The following NOXRED1 variants were observed in gnomAD, a reference collection of about 807,000 sequenced individuals.
NOXRED1 encodes NADP dependent oxidoreductase domain containing 1.
A neutral mutation model predicts 30.4 loss-of-function variants in NOXRED1; 20 were observed. That is an observed-to-expected ratio of 0.66 (90% confidence interval 0.46 to 0.96). The LOEUF is 0.96. Ranked by LOEUF, NOXRED1 falls within the 40% of genes least tolerant of loss-of-function variation. The pLI, the probability that NOXRED1 is intolerant of heterozygous loss-of-function variation, is 0.00. For synonymous variants in NOXRED1, 155 were observed against 168.0 expected, an observed-to-expected ratio of 0.92 and a Z score of 0.60; for missense variants, 374 against 428.0, an observed-to-expected ratio of 0.87 and a Z score of 1.11.
chr14:77,413,540 A>G lies in NOXRED1; in HGVS notation c.349+394T>C, dbSNP rs989360788. On this transcript the variant is annotated intron_variant, in intron 2 of 5. Transcript: ENST00000380835. ...GCGTGAGCCACCGCGCCCGACCACA[A>G]AACATTTTTTTAAAGTCAGTAAATG... Among the ~76,000 whole-genome samples, 13 of 152,152 alleles carry G rather than the reference A, an allele frequency of 8.5e-5. 1 individual carries two copies. Among genetic ancestry groups the G allele is most frequent in the Non-Finnish European group, 1.5e-5 (1 of 68,028 alleles).
intron 5 of NOXRED1, among the ~76,000 whole-genome samples, chr14:77,405,227 T>C (rs762788484): frequency 1.3e-5 from 2 of 152,078 alleles, no homozygotes; most frequent in Non-Finnish European, 2.9e-5. Context: ...AAACCCTGTA[T>C]CTACTAAAAA....
At chr14:77,398,601 G>C (rs1894245909) in intron 5 of NOXRED1, among the ~76,000 whole-genome samples, 1 of 152,102 alleles carries the variant, frequency 6.6e-6, no homozygotes, top group African/African-American at 2.4e-5. Context: ...CAGAGTACAG[G>C]CTCACTCAAA....
chr14:77,413,707 C>T (rs1894724235), intron 2 of NOXRED1, among the ~76,000 whole-genome samples: 2 of 152,048 alleles, frequency 1.3e-5, no homozygotes, highest in Admixed American at 6.5e-5. Flanking sequence ...ACTTCACCAC[C>T]AAGGGCACAG....
upstream of NOXRED1, among the ~76,000 whole-genome samples, chr14:77,423,890 G>C (rs1260624595): frequency 6.6e-6 from 1 of 152,156 alleles, no homozygotes; most frequent in Non-Finnish European, 1.5e-5. Flanking sequence ...CAATTCATCA[G>C]TACATTCAGA....
At chr14:77,407,875 T>A (rs904928501) in intron 2 of NOXRED1, among the ~76,000 whole-genome samples, 1 of 151,094 alleles carries the variant, frequency 6.6e-6, no homozygotes, top group Non-Finnish European at 1.5e-5. Context: ...ATCTTTTTTT[T>A]TTTTTTTTTT....
chr14:77,420,727 T>C (rs1248396944), intron 1 of NOXRED1, among the ~76,000 whole-genome samples: 1 of 152,132 alleles, frequency 6.6e-6, no homozygotes, highest in Non-Finnish European at 1.5e-5. Flanking sequence ...TTGGTGGAAT[T>C]TGGGCATTTG....
At chr14:77,423,739 T>G (rs922721472), upstream of NOXRED1, among the ~76,000 whole-genome samples, 7 of 149,730 alleles carry the variant, frequency 4.7e-5, no homozygotes, top group Non-Finnish European at 1.0e-4. Flanking sequence ...TTTCTAGGGG[T>G]TTTTTTTGCA....
chr14:77,407,394 G>T, intron 3 of NOXRED1, 71 bp downstream of exon 3: 3 of 1,098,696 alleles, frequency 2.7e-6, no homozygotes, highest in Non-Finnish European at 4.1e-6. Context: ...TACAGTGGAG[G>T]TGGGAGGCAG....
At chr14:77,400,209 AAAG>A (rs1214711445) in intron 5 of NOXRED1, among the ~76,000 whole-genome samples, 6 of 152,252 alleles carry the variant, frequency 3.9e-5, no homozygotes, top group African/African-American at 1.4e-4. Flanking sequence ...AGAAATGTTC[AAAG>A]AAGTTCCTTA....
At chr14:77,400,080 A>G (rs904009904) in intron 5 of NOXRED1, among the ~76,000 whole-genome samples, 6 of 152,202 alleles carry the variant, frequency 3.9e-5, no homozygotes, top group Admixed American at 1.3e-4. Context: ...AAAGTGCAGG[A>G]AGAAAAAAAA....
At chr14:77,419,319 C>T (rs1362493377) in intron 1 of NOXRED1, among the ~76,000 whole-genome samples, 7 of 150,716 alleles carry the variant, frequency 4.6e-5, no homozygotes, top group African/African-American at 1.5e-4. Flanking sequence ...GAGATCTGCC[C>T]GCCTCGGCCT....
chr14:77,423,460 A>G lies in NOXRED1; in HGVS notation c.-571T>C, dbSNP rs796656235. ...CAAAGTCATATAAACCCATCTACAT[A>G]TATCTATCACCAAACAGAGAAGATT... On this transcript the variant is annotated 5_prime_UTR_variant, in exon 1 of 6. Coordinates refer to ENST00000380835, the MANE Select transcript of NOXRED1 (RefSeq NM_001113475.3). 1.0e-4 allele frequency: 16 copies of G among 152,468 alleles called. No homozygotes were observed. Among genetic ancestry groups the G allele is most frequent in the African/African-American group, 3.1e-4 (13 of 41,572 alleles). The allele number at this position is 152,468 out of a possible 1,614,324, so 9.4% of individuals were successfully genotyped here. A position where few individuals can be genotyped will look rare whatever the true frequency, so the allele number is the denominator to read the frequency against.
chr14:77,407,228 C>G lies in NOXRED1; in HGVS notation c.530+237G>C, dbSNP rs35881785. Among the ~76,000 whole-genome samples the G allele has an allele frequency of 2.0e-5, 3 of 152,162 alleles. No homozygotes were observed. The South Asian group carries it at 6.2e-4, about 32-fold the overall frequency. On this transcript the variant is annotated intron_variant, in intron 3 of 5. Transcript: ENST00000380835. ...AGTAATGGGAATAAATGTTCTATTG[C>G]AATTTTAAACCTTTGTACAGCAACA...
chr14:77,403,207 T>G (rs1351379932), intron 5 of NOXRED1, among the ~76,000 whole-genome samples: 2 of 152,096 alleles, frequency 1.3e-5, no homozygotes, highest in Admixed American at 1.3e-4. Context: ...AGAATAAAAT[T>G]GGGATGAGTA....
intron 5 of NOXRED1, among the ~76,000 whole-genome samples, chr14:77,403,549 G>A (rs768914835): frequency 2.0e-5 from 3 of 151,994 alleles, no homozygotes; most frequent in South Asian, 2.1e-4. Flanking sequence ...CCAGCTACTC[G>A]GGAGGCTGAG....
intron 5 of NOXRED1, among the ~76,000 whole-genome samples, chr14:77,400,886 A>C (rs959855221): frequency 6.6e-6 from 1 of 152,214 alleles, no homozygotes; most frequent in Non-Finnish European, 1.5e-5. Context: ...TATGTGCAAG[A>C]TCTACATAAG....
chr14:77,416,698 G>A (rs1458174907), intron 1 of NOXRED1, among the ~76,000 whole-genome samples: 9 of 151,906 alleles, frequency 5.9e-5, no homozygotes, highest in African/African-American at 1.2e-4. Context: ...ATCATGGCCC[G>A]TTCTCAATGA....
intron 1 of NOXRED1, among the ~76,000 whole-genome samples, chr14:77,421,060 T>A (rs1440259299): frequency 3.9e-5 from 6 of 152,172 alleles, no homozygotes. Flanking sequence ...CAGAAACCAA[T>A]CCCTCAGGCA....
chr14:77,423,688 A>T (rs1306439295), upstream of NOXRED1, among the ~76,000 whole-genome samples: 1 of 152,142 alleles, frequency 6.6e-6, no homozygotes, highest in Non-Finnish European at 1.5e-5. Flanking sequence ...ACTACACTAG[A>T]GCAGTATGAG....
Sources: gnomAD v4.1 joint callset for allele counts (sites outside exome capture counted in the v4.1 genomes callset) on GRCh38, gnomAD v4.1.1 for gene constraint, MANE v1.5 for transcripts, NCBI Gene and HGNC (gene_info 2026-07-23, HGNC 2026-07-21) for gene names.